Variants in COL18A1 observed in about 807,000 individuals in gnomAD.
The protein encoded by COL18A1 is collagen type XVIII alpha 1 chain.
A neutral mutation model predicts 168.0 loss-of-function variants in COL18A1; 133 were observed. The observed-to-expected ratio is 0.79, with a 90% CI of 0.69 to 0.91. The LOEUF (loss-of-function observed/expected upper bound fraction) is 0.91, where lower values mean the gene tolerates loss of function less well. Ranked by LOEUF, COL18A1 falls within the 40% of genes least tolerant of loss-of-function variation. The pLI, the probability that COL18A1 is intolerant of heterozygous loss-of-function variation, is 0.00. For missense variants in COL18A1, 2,126 were observed against 1,925.4 expected (o/e 1.10, Z -1.95); for synonymous variants, 949 against 809.0 (o/e 1.17, Z -2.94).
intron 16 of COL18A1, 24 bp downstream of exon 16, chr21:45,487,016 C>T (rs769295914): frequency 2.0e-6 from 3 of 1,496,300 alleles, no homozygotes; most frequent in Non-Finnish European, 1.8e-6. Context: ...ACACCTGACC[C>T]CCTGGAGAGC....
At chr21:45,479,323 C>T (rs1166030078) in intron 9 of COL18A1, among the ~76,000 whole-genome samples, 8 of 151,170 alleles carry the variant, frequency 5.3e-5, no homozygotes, top group African/African-American at 9.7e-5. Flanking sequence ...TTACACCACA[C>T]GTGGATACAC....
chr21:45,509,344 T>C lies in COL18A1; in HGVS notation c.3250-12T>C. The C allele has an allele frequency of 6.5e-7, 1 of 1,544,418 alleles. No homozygotes were observed. Among genetic ancestry groups the C allele is most frequent in the African/African-American group, 1.4e-5 (1 of 73,074 alleles). ...TCCCCCCGCCGACAGGCCCCACGTC[T>C]CCCACCTGCAGGACAATGAAGTGGC... is the stretch of plus-strand genomic sequence containing the variant. On this transcript the variant is annotated splice_polypyrimidine_tract_variant and intron_variant, in intron 38 of 41. Transcript: ENST00000651438.
intron 32 of COL18A1, chr21:45,502,744 A>C (rs1009726722): frequency 6.6e-6 from 1 of 152,164 alleles, no homozygotes; most frequent in South Asian, 2.1e-4. Flanking sequence ...GGGTGGAGGG[A>C]CCCTCAAGTC....
chr21:45,501,902 CCCCAGGGG>C, intron 32 of COL18A1, among the ~76,000 whole-genome samples: 1 of 115,202 alleles, frequency 8.7e-6, no homozygotes, highest in Non-Finnish European at 1.9e-5. Context: ...GCAGAAGGAC[CCCCAGGGG>C]CTCCACAGCC....
chr21:45,480,743 C>T lies in COL18A1; in HGVS notation c.1496C>T (p.Pro499Leu), dbSNP rs745686627. The T allele has an allele frequency of 1.2e-6, 2 of 1,610,880 alleles. No homozygotes were observed. The highest frequency in any genetic ancestry group is 1.7e-5 in the Admixed American group (1 of 60,008). Residue 499 changes from proline to leucine, a missense_variant, in exon 13 of 42, where the codon CCA becomes CTA. By Grantham distance (98) the Pro-to-Leu change is moderately conservative. Transcript: ENST00000651438. ...GGACCTCCCGGACCCCCCGGTGTCC[C>T]AGGCCTGCCCGGCGAGCCAGGCCGC... ...FPGPPGPPGV[P>L]GLPGEPGRFG...
intron 2 of COL18A1, among the ~76,000 whole-genome samples, chr21:45,421,943 T>G (rs1274993490): frequency 6.6e-6 from 1 of 152,172 alleles, no homozygotes; most frequent in Non-Finnish European, 1.5e-5. Flanking sequence ...TTCCTGCCTG[T>G]GGTGTGGTGC....
chr21:45,476,769 T>C (rs1450805623), intron 6 of COL18A1, among the ~76,000 whole-genome samples: 1 of 149,780 alleles, frequency 6.7e-6, no homozygotes, highest in African/African-American at 2.5e-5. Context: ...GTGGTGTGTG[T>C]ATTGTGTGTG....
At chr21:45,456,381 G>T in intron 2 of COL18A1, 2 of 1,549,298 alleles carry the variant, frequency 1.3e-6, no homozygotes, top group African/African-American at 2.7e-5. Context: ...TTCTCCTCTG[G>T]GCTCCCGGGC....
Position 45,444,838 on chromosome 21 carries a change from T to A in COL18A1, c.107-23404T>A, listed in dbSNP as rs935094444. Among the ~76,000 whole-genome samples the A allele has an allele frequency of 3.3e-5, 5 of 152,168 alleles. No homozygotes were observed. The South Asian group carries it at 6.2e-4, about 19-fold the overall frequency. On this transcript the variant is annotated intron_variant, in intron 2 of 41. Coordinates refer to ENST00000651438, the MANE Select transcript of COL18A1 (RefSeq NM_001379500.1). ...AAAATGAGTTTGAAAGCACAGGAAT[T>A]TATAAGAGAAAAACTTTCATCAAAT...
chr21:45,457,869 C>T lies in COL18A1; in HGVS notation c.107-10373C>T, dbSNP rs1008655984. Among the ~76,000 whole-genome samples, 12 of 152,014 alleles carry T rather than the reference C, an allele frequency of 7.9e-5. No homozygotes were observed. Among genetic ancestry groups the T allele is most frequent in the African/African-American group, 2.9e-4 (12 of 41,392 alleles). On this transcript the variant is annotated intron_variant, in intron 2 of 41. Transcript: ENST00000651438. The surrounding 1 kb of genome is among the most constrained non-coding windows in gnomAD (Gnocchi z 4.6). ...TGTGCCGGACCTGGAGGTGGGGGTG[C>T]CTGCAGTGGAAATTCTGGTGGACGC...
chr21:45,510,179 C>A lies in COL18A1; in HGVS notation c.3611C>A (p.Ala1204Asp). ...RAVGLAGTFR[A>D]FLSSRLQDLY... ...GTGGGGCTGGCGGGCACCTTCCGCG[C>A]CTTCCTGTCCTCGCGCCTGCAGGAC... The change falls in exon 40 of 42, where the codon GCC (alanine) becomes GAC (aspartate). Residue 1204 changes from alanine to aspartate, a missense_variant. Transcript: ENST00000651438. The A allele has an allele frequency of 6.3e-7, 1 of 1,597,264 alleles. No homozygotes were observed. The highest frequency in any genetic ancestry group is 8.5e-7 in the Non-Finnish European group (1 of 1,172,964).
rs532834770 is a variant in COL18A1, at chr21:45,509,597, C to T, written c.3491C>T (p.Pro1164Leu). ...PPAHSHRDFQPVLHLVALNSP... is the reference protein window; with the variant it reads ...PPAHSHRDFQLVLHLVALNSP... Reference sequence around the variant, plus strand: ...GCCCACAGCCACCGCGACTTCCAGCCGGTGGTGAGTGCCCCCCCAAAGTGG... The same window carrying T: ...GCCCACAGCCACCGCGACTTCCAGCTGGTGGTGAGTGCCCCCCCAAAGTGG... The change falls in exon 39 of 42, where the codon CCG (proline) becomes CTG (leucine). Residue 1164 changes from proline (P) to leucine (L), a missense_variant. Physicochemically the swap from Pro to Leu is moderately conservative, Grantham distance 98. Coordinates refer to ENST00000651438, the MANE Select transcript of COL18A1 (RefSeq NM_001379500.1). The T allele has an allele frequency of 1.5e-4, 222 of 1,474,770 alleles. No individual in the cohort carries two copies. Among genetic ancestry groups the T allele is most frequent in the South Asian group, 7.6e-4 (63 of 82,540 alleles). 91.4% of individuals were successfully genotyped at this position (1,474,770 alleles called of 1,614,324 possible).
chr21:45,506,053 C>G, intron 37 of COL18A1, 87 bp downstream of exon 37: 1 of 1,599,174 alleles, frequency 6.3e-7, no homozygotes, highest in Non-Finnish European at 8.5e-7. Context: ...GCTCAGGCCC[C>G]GGACAGGGAT....
chr21:45,406,304 G>T (rs2033107997), intron 2 of COL18A1, among the ~76,000 whole-genome samples: 1 of 152,178 alleles, frequency 6.6e-6, no homozygotes, highest in Non-Finnish European at 1.5e-5. Flanking sequence ...CGCAGCCAGC[G>T]CCTGCCTCCG....
At chr21:45,495,818 C>T (rs1460332661) in intron 29 of COL18A1, 4 of 338,210 alleles carry the variant, frequency 1.2e-5, no homozygotes, top group Non-Finnish European at 1.2e-5. Context: ...CGAGCCTGTC[C>T]ACGTGCACAC....
At chr21:45,490,740 TAAA>T (rs1345232467) in intron 20 of COL18A1, 93 bp from the exon 21 acceptor site, 2 of 1,356,124 alleles carry the variant, frequency 1.5e-6, no homozygotes, top group African/African-American at 1.5e-5. Context: ...GGTCGGGAAA[TAAA>T]GAACCCCACA....
intron 2 of COL18A1, chr21:45,455,621 C>A: frequency 1.9e-6 from 3 of 1,613,968 alleles, no homozygotes; most frequent in Non-Finnish European, 2.5e-6. Context: ...CCTGAACTGG[C>A]TTTGGTTCAA....
At chr21:45,476,992 T>C (rs1420636979) in intron 6 of COL18A1, among the ~76,000 whole-genome samples, 1 of 151,718 alleles carries the variant, frequency 6.6e-6, no homozygotes, top group Non-Finnish European at 1.5e-5. Context: ...TGGCTCTGGG[T>C]ACAGGCTCTG....
At chr21:45,502,579 C>T (rs1289172824) in intron 32 of COL18A1, 5 of 152,106 alleles carry the variant, frequency 3.3e-5, no homozygotes, top group Non-Finnish European at 4.4e-5. Flanking sequence ...TCCAAAAATC[C>T]AAAGTTAATT....
Sources: gnomAD v4.1 joint callset for allele counts (sites outside exome capture counted in the v4.1 genomes callset) on GRCh38, gnomAD v4.1.1 for gene constraint, Gnocchi (gnomAD v3.1) non-coding constraint, MANE v1.5 for transcripts, NCBI Gene and HGNC (gene_info 2026-07-23, HGNC 2026-07-21) for gene names.